CACNB4: variants seen among roughly 807,000 people sequenced by gnomAD.
CACNB4 encodes the protein voltage-dependent L-type calcium channel subunit beta-4.
A neutral mutation model predicts 71.2 loss-of-function variants in CACNB4; 32 were observed. That is an observed-to-expected ratio of 0.45 (90% CI 0.34 to 0.60). CACNB4 has a LOEUF of 0.60. CACNB4 is among the 20% of genes least tolerant of loss of function. The probability of loss-of-function intolerance (pLI) is 0.01; values close to 1 mark genes in which losing one functional copy is unlikely to be tolerated. For synonymous variants in CACNB4, 231 were observed against 236.9 expected (o/e 0.97, Z 0.23); for missense variants, 464 against 647.9 (o/e 0.72, Z 3.08).
intron 2 of CACNB4, among the ~76,000 whole-genome samples, chr2:151,982,080 G>C (rs1234171479): frequency 6.6e-6 from 1 of 152,096 alleles, no homozygotes; most frequent in Non-Finnish European, 1.5e-5. Flanking sequence ...ATGGAGGTTT[G>C]GGTGCACACT....
chr2:151,875,323 T>C (rs1348816446), intron 5 of CACNB4, among the ~76,000 whole-genome samples: 1 of 147,868 alleles, frequency 6.8e-6, no homozygotes, highest in Non-Finnish European at 1.5e-5. Context: ...AGGTCATAGA[T>C]CAACAGGATC....
At chr2:151,985,523 A>T (rs866290387) in intron 2 of CACNB4, among the ~76,000 whole-genome samples, 1 of 151,960 alleles carries the variant, frequency 6.6e-6, no homozygotes, top group Non-Finnish European at 1.5e-5. Context: ...GTACAGAAAA[A>T]CTCTGCCAAT....
intron 3 of CACNB4, among the ~76,000 whole-genome samples, chr2:151,882,541 C>A (rs114805484): frequency 0.011 from 1,607 of 152,158 alleles, 23 homozygotes; most frequent in African/African-American, 0.036. Context: ...CATAAAATTT[C>A]ATTGGACAAA....
At chr2:152,089,858 G>C (rs999880104) in intron 2 of CACNB4, among the ~76,000 whole-genome samples, 1 of 152,074 alleles carries the variant, frequency 6.6e-6, no homozygotes. Context: ...GGAGGATCCC[G>C]TGAGCACAGG....
chr2:151,855,616 T>C (rs904490280), intron 10 of CACNB4, among the ~76,000 whole-genome samples: 7 of 152,226 alleles, frequency 4.6e-5, no homozygotes, highest in African/African-American at 1.7e-4. Context: ...TTCTAGTCAA[T>C]ATAATATTTA....
At chr2:152,058,642 TAA>T in intron 2 of CACNB4, among the ~76,000 whole-genome samples, 1 of 152,222 alleles carries the variant, frequency 6.6e-6, no homozygotes, top group East Asian at 1.9e-4. Context: ...AAGCAGAGCA[TAA>T]AAGTTTGGAA....
chr2:151,868,014 T>C (rs927929311), intron 9 of CACNB4: 16 of 152,262 alleles, frequency 1.1e-4, no homozygotes, highest in African/African-American at 3.6e-4. Flanking sequence ...AGCATTCTTA[T>C]TTCTTAAACT....
chr2:151,883,594 C>G lies in CACNB4; in HGVS notation c.148-224G>C, dbSNP rs545839079. On this transcript the variant is annotated intron_variant, in intron 2 of 13. Coordinates refer to ENST00000539935, the MANE Select transcript of CACNB4 (RefSeq NM_000726.5). ...AAAAATATTTTGACTAGATTAAGTG[C>G]TAGGAAGTAAACTGCAATGAAAATT... 5.6e-6 allele frequency: 3 copies of G among 536,876 alleles called. No homozygotes were observed. In the Admixed American group the frequency reaches 9.0e-5, roughly 16 times the overall value. The allele number at this position is 536,876 out of a possible 1,614,324, so 33.3% of individuals were successfully genotyped here.
chr2:152,014,730 C>CAAAAA (rs149045123), intron 2 of CACNB4, among the ~76,000 whole-genome samples: 1 of 125,538 alleles, frequency 8.0e-6, no homozygotes, highest in African/African-American at 2.8e-5. Flanking sequence ...AACTCTGTCT[C>CAAAAA]AAAAAAAAAA....
At chr2:152,076,676 G>T (rs1246195392) in intron 2 of CACNB4, among the ~76,000 whole-genome samples, 1 of 152,094 alleles carries the variant, frequency 6.6e-6, no homozygotes, top group Non-Finnish European at 1.5e-5. Flanking sequence ...CTATCCTTGT[G>T]TAATACCTCA....
intron 2 of CACNB4, among the ~76,000 whole-genome samples, chr2:152,071,237 GAAAAA>G (rs1406660160): frequency 4.6e-5 from 7 of 152,122 alleles, no homozygotes; most frequent in Middle Eastern, 3.2e-3. Flanking sequence ...TAAAAAGGGG[GAAAAA>G]TACAGAAACC....
intron 2 of CACNB4, among the ~76,000 whole-genome samples, chr2:151,945,583 A>G (rs890484939): frequency 3.9e-5 from 6 of 152,180 alleles, no homozygotes; most frequent in African/African-American, 1.4e-4. Flanking sequence ...CCCTGGAAGT[A>G]GAGGCTCCAG....
At chr2:151,931,328 C>G (rs887141855) in intron 2 of CACNB4, among the ~76,000 whole-genome samples, 4 of 152,134 alleles carry the variant, frequency 2.6e-5, no homozygotes, top group Non-Finnish European at 5.9e-5. Context: ...ACAAACTAAG[C>G]CCCGAAGTTG....
intron 5 of CACNB4, 38 bp from the exon 6 acceptor site, chr2:151,872,531 G>T: frequency 8.7e-7 from 1 of 1,143,768 alleles, no homozygotes; most frequent in South Asian, 1.3e-5. Context: ...TCACTCCCCA[G>T]ATTCTTTGAA....
At chr2:152,022,917 G>C (rs1683751823) in intron 2 of CACNB4, among the ~76,000 whole-genome samples, 1 of 152,034 alleles carries the variant, frequency 6.6e-6, no homozygotes, top group African/African-American at 2.4e-5. Context: ...ATTTACACTT[G>C]GAAAAGTTAA....
At chr2:151,895,354 C>A (rs1431560653) in intron 2 of CACNB4, among the ~76,000 whole-genome samples, 1 of 152,080 alleles carries the variant, frequency 6.6e-6, no homozygotes, top group African/African-American at 2.4e-5. Flanking sequence ...ATAGTCTCTG[C>A]TACTCTGGAG....
intron 2 of CACNB4, among the ~76,000 whole-genome samples, chr2:152,024,242 AAGCCCAGGAGTTTAAGG>A (rs746811145): frequency 2.2e-4 from 33 of 152,330 alleles, no homozygotes; most frequent in Admixed American, 9.8e-4. Context: ...AGGACAAACT[AAGCCCAGGAGTTTAAGG>A]TTGCAGTGAG....
At chr2:152,049,233 C>T (rs1485025003) in intron 2 of CACNB4, among the ~76,000 whole-genome samples, 2 of 151,718 alleles carry the variant, frequency 1.3e-5, no homozygotes, top group Non-Finnish European at 2.9e-5. Context: ...GGCACAATCT[C>T]GGCTCACTGC....
At chr2:152,086,110 A>C (rs201636238) in intron 2 of CACNB4, among the ~76,000 whole-genome samples, 2 of 151,064 alleles carry the variant, frequency 1.3e-5, no homozygotes, top group East Asian at 3.9e-4. Flanking sequence ...ACTAATGGAC[A>C]AACAGTCATA....
Sources: allele counts gnomAD v4.1 joint callset (sites outside exome capture counted in the v4.1 genomes callset), GRCh38; gene constraint gnomAD v4.1.1; transcripts MANE v1.5; gene names NCBI Gene and HGNC (gene_info 2026-07-23, HGNC 2026-07-21).